Variants in LRRIQ1 observed in about 807,000 individuals in gnomAD.
The protein encoded by LRRIQ1 is leucine rich repeats and IQ motif containing 1.
LRRIQ1 carries 210 observed loss-of-function variants against 211.9 expected under a neutral mutation model. The observed-to-expected ratio is 0.99, with a 90% CI of 0.89 to 1.11. The LOEUF is 1.11. Ranked by LOEUF, LRRIQ1 falls within the 50% of genes most tolerant of loss-of-function variation. The pLI is 0.00. For synonymous variants in LRRIQ1, 699 were observed against 650.1 expected (o/e 1.08, Z -1.14); for missense variants, 2,136 against 1,939.5 (o/e 1.10, Z -1.90).
Position 85,200,353 on chromosome 12 carries a change from T to C in LRRIQ1, c.4823-29164T>C, listed in dbSNP as rs529537358. ...CATTTTGCTGAAGTTGTTTATCAGA[T>C]CAAGGAGCTTTTGGGCGAGATTCTA... On this transcript the variant is annotated intron_variant, in intron 24 of 26. Transcript: ENST00000393217. 7.2e-5 allele frequency among the ~76,000 whole-genome samples: 11 copies of C among 152,300 alleles called. No individual in the cohort carries two copies. In the South Asian group the frequency reaches 2.1e-3, roughly 29 times the overall value.
At chr12:85,194,822 C>T (rs1892804494) in intron 24 of LRRIQ1, among the ~76,000 whole-genome samples, 1 of 152,066 alleles carries the variant, frequency 6.6e-6, no homozygotes, top group Non-Finnish European at 1.5e-5. Flanking sequence ...TAACTCAAAT[C>T]AGAGCAGAAC....
intron 13 of LRRIQ1, among the ~76,000 whole-genome samples, chr12:85,099,900 T>G (rs546979522): frequency 1.3e-5 from 2 of 151,904 alleles, no homozygotes; most frequent in African/African-American, 2.4e-5. Flanking sequence ...AAAACAAATA[T>G]GTATTCAAAA....
intron 10 of LRRIQ1, among the ~76,000 whole-genome samples, chr12:85,072,540 C>CTT (rs35694626): frequency 0.22 from 31,669 of 141,274 alleles, 4,022 homozygotes; most frequent in Admixed American, 0.31. Context: ...GTTAATCAGC[C>CTT]TTTTTTTTTT....
chr12:85,057,063 A>C lies in LRRIQ1; in HGVS notation c.2270A>C (p.Lys757Thr), dbSNP rs1237096918. 6.2e-7 allele frequency: 1 copy of C among 1,609,026 alleles called. No individual in the cohort carries two copies. Among genetic ancestry groups the C allele is most frequent in the Non-Finnish European group, 8.5e-7 (1 of 1,178,390 alleles). The change falls in exon 8 of 27, where the codon AAG becomes ACG. Residue 757 changes from lysine to threonine, a missense_variant. Transcript: ENST00000393217. ...KSFKPWLEIF[K>T]QNQQKKIVRR... ...TTTAAACCTTGGCTTGAAATTTTCA[A>C]GCAAAATCAACAAAAGAAAATTGTT...
chr12:85,040,592 G>T lies in LRRIQ1; in HGVS notation c.235G>T (p.Asp79Tyr), dbSNP rs1456552552. The change falls in exon 3 of 27, where the codon GAT becomes TAT. Residue 79 changes from aspartate to tyrosine, a missense_variant. Physicochemically the swap from Asp to Tyr is radical, Grantham distance 160. Coordinates refer to ENST00000393217, the MANE Select transcript of LRRIQ1 (RefSeq NM_001079910.2). Reference protein sequence around the residue: ...ELILQDLEDTDILSCSYGAVS... With the variant: ...ELILQDLEDTYILSCSYGAVS... Reference sequence around the variant, plus strand: ...CATTCTTCAGGACCTGGAAGATACTGATATTTTAAGTAAGTACTATTTTCA... The same window carrying T: ...CATTCTTCAGGACCTGGAAGATACTTATATTTTAAGTAAGTACTATTTTCA... 1 of 1,565,322 alleles carries T rather than the reference G, an allele frequency of 6.4e-7. No individual in the cohort carries two copies. Among genetic ancestry groups the T allele is most frequent in the Non-Finnish European group, 8.8e-7 (1 of 1,142,088 alleles).
intron 13 of LRRIQ1, among the ~76,000 whole-genome samples, chr12:85,100,478 C>T (rs552890613): frequency 2.6e-5 from 4 of 151,596 alleles, no homozygotes; most frequent in South Asian, 2.1e-4. Flanking sequence ...AATCTTATAA[C>T]GTTTGACTAT....
At chr12:85,122,768 G>C (rs535783345) in intron 16 of LRRIQ1, among the ~76,000 whole-genome samples, 1 of 152,048 alleles carries the variant, frequency 6.6e-6, no homozygotes, top group African/African-American at 2.4e-5. Context: ...ATTGTTATAA[G>C]TAATGTTTAA....
At chr12:85,073,726 G>C (rs1476638053) in intron 11 of LRRIQ1, among the ~76,000 whole-genome samples, 1 of 151,948 alleles carries the variant, frequency 6.6e-6, no homozygotes, top group African/African-American at 2.4e-5. Flanking sequence ...TGTCTGTTGG[G>C]TACAATGAAA....
chr12:85,059,012 A>T (rs991615725), intron 8 of LRRIQ1, among the ~76,000 whole-genome samples: 1 of 151,986 alleles, frequency 6.6e-6, no homozygotes, highest in Non-Finnish European at 1.5e-5. Flanking sequence ...TTAAGAAAAT[A>T]TCATCTTTTG....
At chr12:85,148,175 T>C (rs1427360071) in intron 19 of LRRIQ1, among the ~76,000 whole-genome samples, 1 of 151,810 alleles carries the variant, frequency 6.6e-6, no homozygotes, top group Non-Finnish European at 1.5e-5. Flanking sequence ...TTTTTAAATG[T>C]ATTTATTTAT....
chr12:85,213,239 A>G (rs188463555), intron 24 of LRRIQ1, among the ~76,000 whole-genome samples: 5 of 152,026 alleles, frequency 3.3e-5, no homozygotes, highest in Admixed American at 3.3e-4. Context: ...GGGGGGAAAA[A>G]TTACCAAACA....
chr12:85,217,103 G>C (rs1894124108), intron 24 of LRRIQ1, among the ~76,000 whole-genome samples: 1 of 151,552 alleles, frequency 6.6e-6, no homozygotes. Context: ...ACTTATCTCT[G>C]TATCAGAAAC....
intron 4 of LRRIQ1, among the ~76,000 whole-genome samples, chr12:85,045,053 G>A (rs1879373816): frequency 6.6e-6 from 1 of 151,896 alleles, no homozygotes; most frequent in South Asian, 2.1e-4. Flanking sequence ...GCAATTTAAT[G>A]TGCATGTAGA....
At chr12:85,046,286 A>C in intron 5 of LRRIQ1, 149 bp downstream of exon 5, 1 of 535,102 alleles carries the variant, frequency 1.9e-6, no homozygotes, top group Non-Finnish European at 3.4e-6. Flanking sequence ...TATACTTATT[A>C]AATTACATAT....
Position 85,259,448 on chromosome 12 carries a change from ATTCTCTCAGAGATGTGT to A in LRRIQ1, c.122-3465_122-3449del, listed in dbSNP as rs566288074. Among the ~76,000 whole-genome samples the A allele has an allele frequency of 1.6e-4, 25 of 152,168 alleles. No homozygotes were observed. The South Asian group carries it at 5.2e-3, about 32-fold the overall frequency. ...ACTTTGCAATGAATGCCAATATGTG[ATTCTCTCAGAGATGTGT>A]TATTTTGCTCCTCAATTTATTCTCT... On this transcript the variant is annotated intron_variant, in intron 1 of 1. Transcript: ENST00000602731.
chr12:85,138,113 C>T (rs916201299), intron 19 of LRRIQ1, 144 bp downstream of exon 19: 81 of 551,808 alleles, frequency 1.5e-4, no homozygotes, highest in Non-Finnish European at 2.2e-4. Context: ...TTCCTAACAT[C>T]ATCTTCTTTT....
chr12:85,172,747 T>C (rs1388978843), intron 24 of LRRIQ1, among the ~76,000 whole-genome samples: 1 of 152,110 alleles, frequency 6.6e-6, no homozygotes, highest in Non-Finnish European at 1.5e-5. Flanking sequence ...ATGAGATCTG[T>C]CTCTATGTCA....
chr12:85,190,775 A>G (rs1565892788), intron 24 of LRRIQ1, among the ~76,000 whole-genome samples: 1 of 151,894 alleles, frequency 6.6e-6, no homozygotes. Flanking sequence ...CTGGAAGTGT[A>G]GACACCACTG....
intron 19 of LRRIQ1, among the ~76,000 whole-genome samples, chr12:85,151,938 T>G (rs1229446717): frequency 2.6e-5 from 4 of 151,636 alleles, no homozygotes; most frequent in Non-Finnish European, 5.9e-5. Flanking sequence ...GTCTGTAGTG[T>G]AAGAGCTAAA....
Sources: gnomAD v4.1 joint callset for allele counts (sites outside exome capture counted in the v4.1 genomes callset) on GRCh38, gnomAD v4.1.1 for gene constraint, MANE v1.5 for transcripts, NCBI Gene and HGNC (gene_info 2026-07-23, HGNC 2026-07-21) for gene names.